TET3: variants seen among roughly 807,000 people sequenced by gnomAD.
The protein encoded by TET3 is methylcytosine dioxygenase TET3.
In TET3, 19 loss-of-function variants were observed where a neutral mutation model predicts 141.4. The ratio of observed to expected loss-of-function variants is 0.13; its 90% CI spans 0.09 to 0.20. TET3 has a LOEUF of 0.20. Ranked by LOEUF, TET3 falls within the 10% of genes least tolerant of loss-of-function variation. TET3 has a pLI of 1.00. For missense variants in TET3, 1,874 were observed against 2,356.9 expected (o/e 0.80, Z 4.24); for synonymous variants, 1,043 against 980.9 (o/e 1.06, Z -1.18).
chr2:74,002,340 T>G (rs1263193536), intron 2 of TET3, among the ~76,000 whole-genome samples: 1 of 151,880 alleles, frequency 6.6e-6, no homozygotes, highest in African/African-American at 2.4e-5. Flanking sequence ...GATGCTGGGG[T>G]TAGAGAGTGG....
At position 74,019,841 on chromosome 2, in the gene TET3, A is replaced by G. The variant is rs114997471; in HGVS notation, c.360+16675A>G. On this transcript the variant is annotated intron_variant, in intron 3 of 11. Transcript: ENST00000409262. ...TCAGGGAGGAGCCCTCTGAGCCTCT[A>G]TCTCATTATTATCCTGAGACCCACA... 4.9e-3 allele frequency among the ~76,000 whole-genome samples: 743 copies of G among 152,296 alleles called. 3 individuals are homozygous for G. Among genetic ancestry groups the G allele is most frequent in the African/African-American group, 0.017 (708 of 41,568 alleles).
chr2:73,988,616 C>T (rs57509274), intron 2 of TET3, among the ~76,000 whole-genome samples: 1 of 152,174 alleles, frequency 6.6e-6, no homozygotes, highest in Non-Finnish European at 1.5e-5. Context: ...TGAGAGATGT[C>T]TGCATCCCTG....
At chr2:73,991,913 G>A (rs1684345259) in intron 2 of TET3, among the ~76,000 whole-genome samples, 1 of 151,970 alleles carries the variant, frequency 6.6e-6, no homozygotes, top group South Asian at 2.1e-4. Flanking sequence ...AGCCATCTGT[G>A]TGGCTGTATG....
At position 73,986,526 on chromosome 2, in the gene TET3, G is replaced by C. The variant is rs1684034744; in HGVS notation, c.123G>C (p.Glu41Asp). ...PGSGLSMAGS[E>D]SQLRGGGDGR... Reference sequence around the variant, plus strand: ...CTGGGCTCTCCATGGCTGGGAGTGAGTCCCAACTCCGAGGGGGTGGAGATG... The same window carrying C: ...CTGGGCTCTCCATGGCTGGGAGTGACTCCCAACTCCGAGGGGGTGGAGATG... The change falls in exon 2 of 12, where the codon GAG becomes GAC. Residue 41 changes from glutamate (E) to aspartate (D), a missense_variant. By Grantham distance (45) the Glu-to-Asp change is conservative. Around this residue, in one of 10 missense-constraint regions of TET3, gnomAD observed 366 missense variants for 487.0 expected, o/e 0.75. Coordinates refer to ENST00000409262, the MANE Select transcript of TET3 (RefSeq NM_001287491.2). The C allele has an allele frequency of 3.2e-6, 4 of 1,232,218 alleles. No individual in the cohort carries two copies. Among genetic ancestry groups the C allele is most frequent in the Non-Finnish European group, 4.0e-6 (4 of 988,032 alleles). The allele number at this position is 1,232,218 out of a possible 1,614,324, so 76.3% of individuals were successfully genotyped here.
At chr2:74,050,404 A>G (rs1444276679) in intron 4 of TET3, among the ~76,000 whole-genome samples, 3 of 152,178 alleles carry the variant, frequency 2.0e-5, no homozygotes, top group Non-Finnish European at 2.9e-5. Flanking sequence ...CAAGTCCAAT[A>G]GGGCAAGAAA....
intron 4 of TET3, among the ~76,000 whole-genome samples, chr2:74,059,645 T>G (rs1688396614): frequency 6.6e-6 from 1 of 151,832 alleles, no homozygotes; most frequent in Non-Finnish European, 1.5e-5. Context: ...CATGAACTCC[T>G]TGGCTCAAGT....
chr2:74,033,623 C>T (rs1319818752), intron 3 of TET3, among the ~76,000 whole-genome samples: 2 of 152,128 alleles, frequency 1.3e-5, no homozygotes, highest in Admixed American at 6.5e-5. Flanking sequence ...CAGCTGGTCA[C>T]GTGAACTTTT....
Position 74,105,393 on chromosome 2 carries a change from AAT to A in TET3, c.*3218_*3219del. 1.5e-5 allele frequency: 6 copies of A among 398,618 alleles called. No homozygotes were observed. The highest frequency in any genetic ancestry group is 2.7e-5 in the Non-Finnish European group (6 of 226,068). 24.7% of individuals were successfully genotyped at this position (398,618 alleles called of 1,614,324 possible). ...TGTGCTACGAGATTTTTAAAATAAAAATCGCTTCGCAGCAGGTTCTCACAAAA... is the reference window on the plus strand; with the variant it reads ...TGTGCTACGAGATTTTTAAAATAAAACGCTTCGCAGCAGGTTCTCACAAAA... On this transcript the variant is annotated 3_prime_UTR_variant, in exon 12 of 12. Coordinates refer to ENST00000409262, the MANE Select transcript of TET3 (RefSeq NM_001287491.2).
At chr2:74,036,311 T>A (rs1046612668) in intron 3 of TET3, among the ~76,000 whole-genome samples, 8 of 152,248 alleles carry the variant, frequency 5.3e-5, no homozygotes, top group African/African-American at 1.9e-4. Context: ...AAATGGAATC[T>A]TCTTGTGATC....
chr2:74,086,199 T>C (rs1217452691), intron 6 of TET3, among the ~76,000 whole-genome samples: 1 of 152,100 alleles, frequency 6.6e-6, no homozygotes, highest in Non-Finnish European at 1.5e-5. Flanking sequence ...TCACATCTTA[T>C]CTGGTCATGG....
chr2:74,013,844 T>A (rs1685595563), intron 3 of TET3, among the ~76,000 whole-genome samples: 1 of 152,140 alleles, frequency 6.6e-6, no homozygotes. Context: ...TCCATTCTTT[T>A]ATGAGGGGTG....
At chr2:74,035,365 GAGGC>G (rs1371623835) in intron 3 of TET3, among the ~76,000 whole-genome samples, 2 of 148,452 alleles carry the variant, frequency 1.3e-5, no homozygotes, top group Non-Finnish European at 3.0e-5. Context: ...TCGGGAGGCT[GAGGC>G]AGGAGAATGG....
At position 74,047,041 on chromosome 2, in the gene TET3, A is replaced by G; in HGVS notation, c.1124A>G (p.His375Arg). ...TCCTCTGCCCTCCCGCAGCCTTCTC[A>G]TTCCACCCCCCAGGCTTCTTGCCCC... ...QLSSALPQPS[H>R]STPQASCPLP... The change falls in exon 4 of 12, where the codon CAT (histidine) becomes CGT (arginine). Residue 375 changes from histidine (H) to arginine (R), a missense_variant. Physicochemically the swap from His to Arg is conservative, Grantham distance 29. Transcript: ENST00000409262. The G allele has an allele frequency of 1.2e-6, 2 of 1,613,614 alleles. No homozygotes were observed. Among genetic ancestry groups the G allele is most frequent in the Non-Finnish European group, 8.5e-7 (1 of 1,179,766 alleles).
intron 6 of TET3, among the ~76,000 whole-genome samples, chr2:74,086,046 C>T (rs555996844): frequency 1.3e-5 from 2 of 152,298 alleles, no homozygotes; most frequent in Admixed American, 6.5e-5. Context: ...ATTTTCTGCC[C>T]CCACTTTCTA....
chr2:74,128,988 A>T, the TET3 span, among the ~76,000 whole-genome samples: 1 of 92,552 alleles, frequency 1.1e-5, no homozygotes, highest in Non-Finnish European at 1.9e-5. Context: ...ATCCTGTCTC[A>T]ATTTAAAAAA....
chr2:74,101,584 A>G lies in TET3; in HGVS notation c.4796A>G (p.Glu1599Gly). ...SEKLFGALKS[E>G]EKLWDPFSLE... The stretch of plus-strand genomic sequence containing the variant: ...AAGCTGTTTGGGGCTCTGAAGTCAG[A>G]GGAGAAGCTGTGGGACCCCTTCAGC... Residue 1599 changes from glutamate (E) to glycine (G), a missense_variant, in exon 12 of 12, where the codon GAG becomes GGG. Around this residue, in one of 10 missense-constraint regions of TET3, gnomAD observed 602 missense variants for 590.2 expected, o/e 1.02. Coordinates refer to ENST00000409262, the MANE Select transcript of TET3 (RefSeq NM_001287491.2). This position sits in a 1 kb window ranked among gnomAD's most constrained non-coding sequence, Gnocchi z 8.5. The G allele has an allele frequency of 1.2e-6, 2 of 1,609,732 alleles. No individual in the cohort carries two copies. Among genetic ancestry groups the G allele is most frequent in the South Asian group, 2.2e-5 (2 of 90,658 alleles).
In TET3 at chr2:74,045,183, A is replaced by G. The variant is rs575702775; in HGVS notation, c.361-1095A>G. ...CGCAATGTCTTACATCAAGAGGCACATGGTGTTGTTTTGTCTCAGTATTGG... is the reference window on the plus strand; with the variant it reads ...CGCAATGTCTTACATCAAGAGGCACGTGGTGTTGTTTTGTCTCAGTATTGG... On this transcript the variant is annotated intron_variant, in intron 3 of 11. Coordinates refer to ENST00000409262, the MANE Select transcript of TET3 (RefSeq NM_001287491.2). 1.4e-4 allele frequency among the ~76,000 whole-genome samples: 22 copies of G among 152,328 alleles called. No individual in the cohort carries two copies. In the South Asian group the frequency reaches 4.4e-3, roughly 30 times the overall value.
At chr2:73,984,031 C>G (rs1683874917), upstream of TET3, among the ~76,000 whole-genome samples, 1 of 152,256 alleles carries the variant, frequency 6.6e-6, no homozygotes, top group African/African-American at 2.4e-5. The surrounding 1 kb of genome is among the most constrained non-coding windows in gnomAD (Gnocchi z 5.6). Context: ...TATTCCTGAG[C>G]CCTGCCCCTT....
Position 74,108,146 on chromosome 2 carries a change from A to T in TET3, c.*5970A>T, listed in dbSNP as rs957686504. On this transcript the variant is annotated 3_prime_UTR_variant, in exon 12 of 12. Coordinates refer to ENST00000409262, the MANE Select transcript of TET3 (RefSeq NM_001287491.2). ...TCTTTAAAATATTGTGGGTGTTTTA[A>T]TAAATTTTATATTTATTTTTTGCAC... is the stretch of plus-strand genomic sequence containing the variant. 6.5e-6 allele frequency: 1 copy of T among 153,754 alleles called. No homozygotes were observed. The highest frequency in any genetic ancestry group is 2.4e-5 in the African/African-American group (1 of 41,448). 9.5% of individuals were successfully genotyped at this position (153,754 alleles called of 1,614,324 possible).
Sources: allele counts gnomAD v4.1 joint callset (sites outside exome capture counted in the v4.1 genomes callset), GRCh38; gene constraint gnomAD v4.1.1; regional missense constraint gnomAD v4.1.1; non-coding constraint Gnocchi (gnomAD v3.1); transcripts MANE v1.5; gene names NCBI Gene and HGNC (gene_info 2026-07-23, HGNC 2026-07-21).